AHCY: variants seen among roughly 807,000 people sequenced by gnomAD.
The protein encoded by AHCY is adenosylhomocysteinase.
AHCY carries 24 observed loss-of-function variants against 45.4 expected under a neutral mutation model. The observed-to-expected ratio is 0.53, with a 90% CI of 0.38 to 0.74. The LOEUF (loss-of-function observed/expected upper bound fraction) is 0.74, where lower values mean the gene tolerates loss of function less well. AHCY is among the 30% of genes least tolerant of loss of function. The probability of loss-of-function intolerance (pLI) is 0.00; values close to 1 mark genes in which losing one functional copy is unlikely to be tolerated. For synonymous variants in AHCY, 245 were observed against 235.1 expected, an observed-to-expected ratio of 1.04 and a Z score of -0.39; for missense variants, 449 against 594.1, an observed-to-expected ratio of 0.76 and a Z score of 2.54.
chr20:34,244,610 A>G, the AHCY span, among the ~76,000 whole-genome samples: 1 of 152,230 alleles, frequency 6.6e-6, no homozygotes, highest in African/African-American at 2.4e-5. Flanking sequence ...TAACATTTGC[A>G]ATTTTTCATT....
chr20:34,278,734 A>G (rs2035933678), downstream of AHCY, among the ~76,000 whole-genome samples: 1 of 152,154 alleles, frequency 6.6e-6, no homozygotes, highest in South Asian at 2.1e-4. Context: ...TCAAGTCTCT[A>G]TGAGGAATAA....
chr20:34,258,795 TATATA>T, the AHCY span, among the ~76,000 whole-genome samples: 35 of 117,952 alleles, frequency 3.0e-4, no homozygotes, highest in Non-Finnish European at 4.8e-4. Context: ...ATATAGTGTA[TATATA>T]ATATATGATA....
chr20:34,268,439 C>T, the AHCY span, among the ~76,000 whole-genome samples: 2 of 152,078 alleles, frequency 1.3e-5, no homozygotes, highest in Non-Finnish European at 2.9e-5. Flanking sequence ...CCACTTAGGC[C>T]GGGCGCGGTG....
intron 1 of AHCY, among the ~76,000 whole-genome samples, chr20:34,297,038 A>C (rs2036597323): frequency 6.6e-6 from 1 of 151,620 alleles, no homozygotes; most frequent in Non-Finnish European, 1.5e-5. Context: ...CAAGCACCCA[A>C]CTCTAGCCAC....
chr20:34,290,952 GGGTAAGGAGACAATAGGGGCA>G lies in AHCY; in HGVS notation c.559-35_559-15del. On this transcript the variant is annotated splice_polypyrimidine_tract_variant and intron_variant, in intron 5 of 9. Transcript: ENST00000217426. This position sits in a 1 kb window ranked among gnomAD's most constrained non-coding sequence, Gnocchi z 4.5. ...GTCAAACTTGCTCTGAAAGGAAAGGGGGTAAGGAGACAATAGGGGCAGGCAAGGCCCTGGGGCCAGGACAAC... is the reference window on the plus strand; with the variant it reads ...GTCAAACTTGCTCTGAAAGGAAAGGGGGCAAGGCCCTGGGGCCAGGACAAC... 2 of 1,613,668 alleles carry G rather than the reference GGGTAAGGAGACAATAGGGGCA, an allele frequency of 1.2e-6. No homozygotes were observed. The highest frequency in any genetic ancestry group is 1.7e-6 in the Non-Finnish European group (2 of 1,179,746).
At chr20:34,262,031 T>C in the AHCY span, among the ~76,000 whole-genome samples, 1 of 151,688 alleles carries the variant, frequency 6.6e-6, no homozygotes, top group African/African-American at 2.4e-5. Context: ...GAAAATCACT[T>C]GAACCCAGGA....
chr20:34,285,843 G>A (rs1241758067), intron 8 of AHCY, among the ~76,000 whole-genome samples: 2 of 152,194 alleles, frequency 1.3e-5, no homozygotes, highest in South Asian at 2.1e-4. Context: ...GCTCACGCCT[G>A]TAATCCCAGC....
chr20:34,234,610 T>C, the AHCY span, among the ~76,000 whole-genome samples: 1 of 152,094 alleles, frequency 6.6e-6, no homozygotes, highest in Non-Finnish European at 1.5e-5. Context: ...TAAACCAGCC[T>C]GACCAACATG....
chr20:34,269,508 TCC>T, the AHCY span, among the ~76,000 whole-genome samples: 1 of 151,914 alleles, frequency 6.6e-6, no homozygotes, highest in African/African-American at 2.4e-5. Context: ...AACGAGGCTA[TCC>T]CCTGCCTTTA....
the AHCY span, among the ~76,000 whole-genome samples, chr20:34,232,274 T>G: frequency 6.6e-5 from 10 of 152,172 alleles, no homozygotes; most frequent in African/African-American, 2.2e-4. Flanking sequence ...GTCAATACCT[T>G]ACATTCTTGG....
At chr20:34,299,452 C>T (rs1234648673) in intron 1 of AHCY, among the ~76,000 whole-genome samples, 1 of 152,214 alleles carries the variant, frequency 6.6e-6, no homozygotes, top group Non-Finnish European at 1.5e-5. Context: ...CTTTAGCTAA[C>T]AGACTTTAGG....
intron 1 of AHCY, among the ~76,000 whole-genome samples, chr20:34,296,414 T>C (rs1316196523): frequency 6.6e-6 from 1 of 152,218 alleles, no homozygotes; most frequent in African/African-American, 2.4e-5. Context: ...AGGTTATTAG[T>C]AATAAAAGGT....
chr20:34,241,736 AAATAT>A, the AHCY span, among the ~76,000 whole-genome samples: 1 of 152,228 alleles, frequency 6.6e-6, no homozygotes, highest in African/African-American at 2.4e-5. Flanking sequence ...ACGAATAAAT[AAATAT>A]ATCTATATGT....
chr20:34,279,421 G>GAA (rs753050895), downstream of AHCY, among the ~76,000 whole-genome samples: 124 of 129,522 alleles, frequency 9.6e-4, 1 homozygote, highest in African/African-American at 3.2e-3. Flanking sequence ...AGACTGTCTA[G>GAA]AAAAAAAAAA....
the AHCY span, among the ~76,000 whole-genome samples, chr20:34,258,643 T>C: frequency 3.5e-5 from 3 of 84,848 alleles, no homozygotes; most frequent in Non-Finnish European, 7.3e-5. Context: ...GCCCCTGTCA[T>C]TGAGGAGTTA....
the AHCY span, chr20:34,268,961 G>A: frequency 1.9e-6 from 3 of 1,577,380 alleles, no homozygotes; most frequent in Non-Finnish European, 2.6e-6. Context: ...GGCGTGGCCG[G>A]CTCATAAAGC....
upstream of AHCY, among the ~76,000 whole-genome samples, chr20:34,307,240 C>T (rs1423346982): frequency 2.0e-5 from 3 of 151,788 alleles, no homozygotes; most frequent in African/African-American, 4.8e-5. Context: ...AGGTGCATGT[C>T]GCTACCACCC....
the AHCY span, among the ~76,000 whole-genome samples, chr20:34,242,333 A>G: frequency 6.6e-6 from 1 of 152,196 alleles, no homozygotes; most frequent in East Asian, 1.9e-4. Flanking sequence ...CCTGAGTTCA[A>G]ACGATTCTCC....
chr20:34,236,626 G>A, the AHCY span, among the ~76,000 whole-genome samples: 1 of 152,066 alleles, frequency 6.6e-6, no homozygotes, highest in Admixed American at 6.5e-5. Flanking sequence ...TGGGGTGGGA[G>A]AATTGCCTGA....
Sources: gnomAD v4.1 joint callset for allele counts (sites outside exome capture counted in the v4.1 genomes callset) on GRCh38, gnomAD v4.1.1 for gene constraint, Gnocchi (gnomAD v3.1) non-coding constraint, MANE v1.5 for transcripts, NCBI Gene and HGNC (gene_info 2026-07-23, HGNC 2026-07-21) for gene names.